Variants in CNTNAP5 observed in about 807,000 individuals in gnomAD.
The protein encoded by CNTNAP5 is contactin associated protein family member 5.
CNTNAP5 carries 72 observed loss-of-function variants against 150.2 expected under a neutral mutation model. The observed-to-expected ratio is 0.48, with a 90% CI of 0.40 to 0.58. The LOEUF (loss-of-function observed/expected upper bound fraction) is 0.58. Among genes scored for constraint, CNTNAP5 ranks in the 20% least tolerant of loss-of-function variants. CNTNAP5 has a pLI of 0.00. For missense variants in CNTNAP5, 1,636 were observed against 1,626.2 expected (o/e 1.01, Z -0.10); for synonymous variants, 672 against 619.8 (o/e 1.08, Z -1.25).
At chr2:124,840,421 G>A (rs940848074) in intron 19 of CNTNAP5, among the ~76,000 whole-genome samples, 2 of 152,066 alleles carry the variant, frequency 1.3e-5, no homozygotes, top group African/African-American at 2.4e-5. Context: ...TATTTTCTCT[G>A]GGTCATGACA....
chr2:124,082,342 C>G (rs1453342020), intron 1 of CNTNAP5, among the ~76,000 whole-genome samples: 2 of 108,604 alleles, frequency 1.8e-5, no homozygotes, highest in South Asian at 3.3e-4. Flanking sequence ...GAGTGAGACT[C>G]TCTCTCAAAA....
chr2:124,201,513 G>T (rs1241185105), intron 1 of CNTNAP5, among the ~76,000 whole-genome samples: 1 of 152,160 alleles, frequency 6.6e-6, no homozygotes, highest in Non-Finnish European at 1.5e-5. Flanking sequence ...CTTAGGAAAG[G>T]TAAATAGAGT....
At chr2:124,079,641 A>G (rs915216732) in intron 1 of CNTNAP5, among the ~76,000 whole-genome samples, 3 of 152,214 alleles carry the variant, frequency 2.0e-5, no homozygotes, top group African/African-American at 7.2e-5. Context: ...TGAAAATATC[A>G]GAAGTGTGTG....
intron 1 of CNTNAP5, among the ~76,000 whole-genome samples, chr2:124,039,121 G>A (rs1369183303): frequency 6.6e-6 from 1 of 152,218 alleles, no homozygotes; most frequent in African/African-American, 2.4e-5. Context: ...GATTTGAAAA[G>A]ATGGTAGCTT....
At chr2:124,040,619 C>CTGTGTG (rs1463056097) in intron 1 of CNTNAP5, among the ~76,000 whole-genome samples, 1 of 59,064 alleles carries the variant, frequency 1.7e-5, no homozygotes, top group East Asian at 5.1e-4. Context: ...CTCTGTATGC[C>CTGTGTG]TCTGTGTGTG....
rs898162362 is a variant in CNTNAP5, at chr2:124,867,732, C to T, written c.3349-1943C>T. On this transcript the variant is annotated intron_variant, in intron 20 of 23. Coordinates refer to ENST00000682447, the MANE Select transcript of CNTNAP5 (RefSeq NM_001367498.1). ...ACACTCACTCCATACTCATCTCATT[C>T]GATCTCACATCTTTAAATTTCATGT... 3.9e-5 allele frequency among the ~76,000 whole-genome samples: 6 copies of T among 152,266 alleles called. No individual in the cohort carries two copies. The East Asian group carries it at 7.7e-4, about 20-fold the overall frequency.
At chr2:124,276,655 A>T (rs191152542) in intron 3 of CNTNAP5, among the ~76,000 whole-genome samples, 2 of 152,292 alleles carry the variant, frequency 1.3e-5, no homozygotes, top group African/African-American at 4.8e-5. Flanking sequence ...AACATGTGAC[A>T]GGGCCTTTCC....
chr2:124,755,242 T>G (rs1004954026), intron 14 of CNTNAP5, among the ~76,000 whole-genome samples: 1 of 152,148 alleles, frequency 6.6e-6, no homozygotes, highest in Non-Finnish European at 1.5e-5. Flanking sequence ...AGGTTTCTAT[T>G]ACATCAGTTA....
intron 11 of CNTNAP5, among the ~76,000 whole-genome samples, chr2:124,588,145 TC>T (rs1558965945): frequency 1.3e-4 from 18 of 141,178 alleles, no homozygotes; most frequent in African/African-American, 4.7e-4. Context: ...CTTCCTTCCT[TC>T]CTTCCTTCCT....
intron 1 of CNTNAP5, 91 bp from the exon 2 acceptor site, chr2:124,221,614 G>T (rs1686318317): frequency 1.2e-6 from 1 of 836,894 alleles, no homozygotes; most frequent in Non-Finnish European, 1.9e-6. Flanking sequence ...GTTAATAAAT[G>T]ATGGTAGTTA....
intron 13 of CNTNAP5, among the ~76,000 whole-genome samples, chr2:124,727,851 G>A (rs1055419803): frequency 6.6e-6 from 1 of 151,632 alleles, no homozygotes; most frequent in Non-Finnish European, 1.5e-5. Flanking sequence ...ATGTTGAATA[G>A]AAGTGGTCAG....
chr2:124,886,205 A>T (rs1678076175), intron 21 of CNTNAP5, among the ~76,000 whole-genome samples: 1 of 152,252 alleles, frequency 6.6e-6, no homozygotes. Flanking sequence ...TACCCTATCA[A>T]TTCTCAAATA....
intron 21 of CNTNAP5, 63 bp from the exon 22 acceptor site, chr2:124,902,819 C>G (rs1386108442): frequency 8.7e-7 from 1 of 1,151,020 alleles, no homozygotes; most frequent in Non-Finnish European, 1.2e-6. Context: ...CAAAGAGGAC[C>G]CAGCATATAA....
At chr2:124,289,019 G>A (rs1351762215) in intron 3 of CNTNAP5, among the ~76,000 whole-genome samples, 3 of 152,156 alleles carry the variant, frequency 2.0e-5, no homozygotes, top group Non-Finnish European at 4.4e-5. Context: ...TTACAATTCA[G>A]TTTTCTAATT....
At chr2:124,678,773 T>C (rs892027514) in intron 13 of CNTNAP5, among the ~76,000 whole-genome samples, 1 of 151,896 alleles carries the variant, frequency 6.6e-6, no homozygotes, top group Non-Finnish European at 1.5e-5. Flanking sequence ...TCCATGCTCA[T>C]ACTTATCTTT....
intron 13 of CNTNAP5, among the ~76,000 whole-genome samples, chr2:124,742,992 C>T (rs1451222847): frequency 2.6e-5 from 4 of 152,068 alleles, no homozygotes; most frequent in South Asian, 2.1e-4. Flanking sequence ...CCCCAGGCCC[C>T]GGAAGCACAG....
chr2:124,168,721 C>A (rs1684862109), intron 1 of CNTNAP5, among the ~76,000 whole-genome samples: 1 of 152,078 alleles, frequency 6.6e-6, no homozygotes, highest in Non-Finnish European at 1.5e-5. Flanking sequence ...GATCTCAGAT[C>A]TTCTGTATAA....
intron 1 of CNTNAP5, among the ~76,000 whole-genome samples, chr2:124,180,248 CAA>C (rs1247996648): frequency 6.6e-6 from 1 of 152,122 alleles, no homozygotes. Context: ...AGTGAAGAAG[CAA>C]AGATTTTAGG....
At chr2:124,479,283 A>G (rs540774152) in intron 7 of CNTNAP5, among the ~76,000 whole-genome samples, 2 of 152,148 alleles carry the variant, frequency 1.3e-5, no homozygotes, top group African/African-American at 4.8e-5. Context: ...CCTGAAAATG[A>G]TTAATTTCAT....
Sources: allele counts gnomAD v4.1 joint callset (sites outside exome capture counted in the v4.1 genomes callset), GRCh38; gene constraint gnomAD v4.1.1; transcripts MANE v1.5; gene names NCBI Gene and HGNC (gene_info 2026-07-23, HGNC 2026-07-21).